Variants in TMEM108 observed in about 807,000 individuals in gnomAD.
The protein encoded by TMEM108 is cancer/testis antigen 124.
In TMEM108, 12 loss-of-function variants were observed where a neutral mutation model predicts 35.1. That is an observed-to-expected ratio of 0.34 (90% CI 0.22 to 0.55). The LOEUF (loss-of-function observed/expected upper bound fraction) is 0.55. Among genes scored for constraint, TMEM108 ranks in the 20% least tolerant of loss-of-function variants. The pLI is 0.89. For missense variants in TMEM108, 680 were observed against 753.3 expected (o/e 0.90, Z 1.14); for synonymous variants, 287 against 308.6 (o/e 0.93, Z 0.73).
chr3:133,365,390 T>G lies in TMEM108; in HGVS notation c.41-14362T>G, dbSNP rs973649490. On this transcript the variant is annotated intron_variant, in intron 3 of 5. Transcript: ENST00000321871. ...TAGTTTTCTGTAATTCTGGCATTTA[T>G]TTTCTCTCCATAACTCCTCAGGAAA... 3.9e-5 allele frequency among the ~76,000 whole-genome samples: 6 copies of G among 152,334 alleles called. No individual in the cohort carries two copies. The East Asian group carries it at 1.2e-3, about 29-fold the overall frequency.
At chr3:133,103,190 C>T (rs1944109351) in intron 2 of TMEM108, among the ~76,000 whole-genome samples, 1 of 152,144 alleles carries the variant, frequency 6.6e-6, no homozygotes, top group Non-Finnish European at 1.5e-5. Flanking sequence ...AGCTGAAATG[C>T]CCATCAGTGG....
chr3:133,393,537 T>C (rs1385336172), intron 5 of TMEM108, among the ~76,000 whole-genome samples: 3 of 152,208 alleles, frequency 2.0e-5, no homozygotes, highest in Non-Finnish European at 2.9e-5. Flanking sequence ...AGTCAGAGCC[T>C]AACACACAGT....
intron 3 of TMEM108, among the ~76,000 whole-genome samples, chr3:133,304,475 T>C (rs1947274524): frequency 6.6e-6 from 1 of 152,070 alleles, no homozygotes; most frequent in Non-Finnish European, 1.5e-5. Context: ...CCCCAAAAAG[T>C]TTCTTTATTG....
intron 3 of TMEM108, among the ~76,000 whole-genome samples, chr3:133,307,705 G>A (rs2071063072): frequency 2.0e-5 from 3 of 152,172 alleles, no homozygotes; most frequent in South Asian, 4.2e-4. Context: ...TATTTCTGAG[G>A]CCTTTGTTCT....
At position 133,229,342 on chromosome 3, in the gene TMEM108, C is replaced by G; in HGVS notation, c.31C>G (p.Gln11Glu). The G allele has an allele frequency of 1.9e-6, 3 of 1,612,858 alleles. No individual in the cohort carries two copies. The highest frequency in any genetic ancestry group is 2.5e-6 in the Non-Finnish European group (3 of 1,179,318). Reference sequence around the variant, plus strand: ...GAGAAGTTTACAGGCCCTCTATTGCCAACTGTTAAGTAAGTTGACACTGTA... The same window carrying G: ...GAGAAGTTTACAGGCCCTCTATTGCGAACTGTTAAGTAAGTTGACACTGTA... MKRSLQALYCQLLSFLLILAL... is the reference protein window; with the variant it reads MKRSLQALYCELLSFLLILAL... Residue 11 changes from glutamine to glutamate, a missense_variant, in exon 3 of 6, where the codon CAA becomes GAA. Transcript: ENST00000321871.
chr3:133,263,560 T>G (rs1946654958), intron 3 of TMEM108, among the ~76,000 whole-genome samples: 1 of 152,228 alleles, frequency 6.6e-6, no homozygotes, highest in Admixed American at 6.5e-5. Flanking sequence ...TTAGAGATTC[T>G]AATAACACTA....
chr3:133,179,656 T>A (rs1196078344), intron 2 of TMEM108, among the ~76,000 whole-genome samples: 1 of 140,602 alleles, frequency 7.1e-6, no homozygotes, highest in African/African-American at 2.7e-5. Context: ...GGGCCTGTTG[T>A]GGGGTGGGGG....
At chr3:133,243,893 G>A (rs1346016287) in intron 3 of TMEM108, among the ~76,000 whole-genome samples, 1 of 152,138 alleles carries the variant, frequency 6.6e-6, no homozygotes, top group Non-Finnish European at 1.5e-5. Flanking sequence ...CTGAGACCAA[G>A]AGTCCTGTGG....
chr3:133,216,513 A>G (rs966958441), intron 2 of TMEM108, among the ~76,000 whole-genome samples: 2 of 152,114 alleles, frequency 1.3e-5, no homozygotes, highest in Non-Finnish European at 2.9e-5. Context: ...ATTATTAACT[A>G]TTGTCACCAT....
At chr3:133,159,148 A>G (rs969528259) in intron 2 of TMEM108, among the ~76,000 whole-genome samples, 1 of 152,260 alleles carries the variant, frequency 6.6e-6, no homozygotes, top group African/African-American at 2.4e-5. Context: ...ATCATCCTCT[A>G]TGATTCCCCA....
At chr3:133,209,885 C>A (rs938921106) in intron 2 of TMEM108, among the ~76,000 whole-genome samples, 2 of 152,070 alleles carry the variant, frequency 1.3e-5, no homozygotes, top group African/African-American at 4.8e-5. Flanking sequence ...TGAACCTCAT[C>A]TCTCTCCTTT....
At chr3:133,040,202 GTTTGT>G (rs1384155745) in intron 1 of TMEM108, among the ~76,000 whole-genome samples, 18 of 119,678 alleles carry the variant, frequency 1.5e-4, no homozygotes, top group African/African-American at 4.4e-4. Context: ...TTGTTTGTTT[GTTTGT>G]TTTTTTTTTT....
At chr3:133,279,560 C>G (rs551042546) in intron 3 of TMEM108, among the ~76,000 whole-genome samples, 31 of 152,256 alleles carry the variant, frequency 2.0e-4, no homozygotes, top group African/African-American at 5.5e-4. Flanking sequence ...TCGGGCCATC[C>G]CTTGGTTGGC....
chr3:133,290,536 A>G (rs1023586767), intron 3 of TMEM108, among the ~76,000 whole-genome samples: 3 of 152,084 alleles, frequency 2.0e-5, no homozygotes, highest in African/African-American at 4.8e-5. Context: ...CAGGAGAATC[A>G]CTTGAACCCA....
intron 2 of TMEM108, among the ~76,000 whole-genome samples, chr3:133,070,807 C>T (rs1943667428): frequency 6.6e-6 from 1 of 150,630 alleles, no homozygotes; most frequent in East Asian, 1.9e-4. Flanking sequence ...GTTTAACAGT[C>T]TCTTGTCGTT....
chr3:133,275,862 A>T (rs1481603841), intron 3 of TMEM108, among the ~76,000 whole-genome samples: 1 of 152,234 alleles, frequency 6.6e-6, no homozygotes, highest in African/African-American at 2.4e-5. Context: ...AATTGCAGAT[A>T]AAGGATTGTG....
intron 2 of TMEM108, among the ~76,000 whole-genome samples, chr3:133,194,487 A>C (rs1012448129): frequency 6.6e-6 from 1 of 152,170 alleles, no homozygotes; most frequent in Non-Finnish European, 1.5e-5. Flanking sequence ...TAGTTTTTTA[A>C]AAAATTACCT....
At chr3:133,171,503 A>T (rs1945130798) in intron 2 of TMEM108, among the ~76,000 whole-genome samples, 1 of 152,146 alleles carries the variant, frequency 6.6e-6, no homozygotes, top group South Asian at 2.1e-4. Flanking sequence ...CAGTGTCCCA[A>T]ATAGCTGAAT....
intron 3 of TMEM108, among the ~76,000 whole-genome samples, chr3:133,377,196 G>A (rs1322924013): frequency 6.6e-6 from 1 of 152,140 alleles, no homozygotes; most frequent in African/African-American, 2.4e-5. Flanking sequence ...TAAGGTACTG[G>A]GAATTAGGGA....
Sources: allele counts gnomAD v4.1 joint callset (sites outside exome capture counted in the v4.1 genomes callset), GRCh38; gene constraint gnomAD v4.1.1; transcripts MANE v1.5; gene names NCBI Gene and HGNC (gene_info 2026-07-23, HGNC 2026-07-21).